Variants in SPMIP4 observed in about 807,000 individuals in gnomAD.
The protein encoded by SPMIP4 is sperm-associated microtubule inner protein 4.
the SPMIP4 span, among the ~76,000 whole-genome samples, chr7:25,126,133 G>A: frequency 6.6e-6 from 1 of 151,980 alleles, no homozygotes; most frequent in Non-Finnish European, 1.5e-5. Context: ...CAGGGTAAAC[G>A]GTCTATCCAT....
chr7:25,136,443 A>G, the SPMIP4 span: 2 of 1,614,048 alleles, frequency 1.2e-6, no homozygotes, highest in Non-Finnish European at 1.7e-6. The surrounding 1 kb of genome is among the most constrained non-coding windows in gnomAD (Gnocchi z 5.7). Context: ...TCTTTTTAGT[A>G]TCTGTGATTT....
At chr7:25,161,485 C>T in the SPMIP4 span, among the ~76,000 whole-genome samples, 10 of 152,114 alleles carry the variant, frequency 6.6e-5, no homozygotes, top group African/African-American at 2.4e-4. Flanking sequence ...GATCCTCCTG[C>T]CTTGGCCTCC....
the SPMIP4 span, among the ~76,000 whole-genome samples, chr7:25,145,802 C>G: frequency 6.6e-6 from 1 of 152,156 alleles, no homozygotes; most frequent in Non-Finnish European, 1.5e-5. Flanking sequence ...TACTGAATAC[C>G]TATTGCATGC....
At chr7:25,152,742 G>GTC in the SPMIP4 span, among the ~76,000 whole-genome samples, 5 of 72,276 alleles carry the variant, frequency 6.9e-5, no homozygotes, top group South Asian at 4.9e-4. Flanking sequence ...TCCCTTCGTT[G>GTC]TCTCTCTTTT....
At chr7:25,169,772 C>T in the SPMIP4 span, among the ~76,000 whole-genome samples, 23 of 152,190 alleles carry the variant, frequency 1.5e-4, no homozygotes, top group African/African-American at 3.4e-4. Context: ...GACATGGTTT[C>T]GCCATGTTGG....
chr7:25,142,738 A>G, the SPMIP4 span: 1 of 1,608,078 alleles, frequency 6.2e-7, no homozygotes, highest in Non-Finnish European at 8.5e-7. Flanking sequence ...CCATGAATTT[A>G]AAGAAGTGTT....
chr7:25,130,941 G>A, the SPMIP4 span, among the ~76,000 whole-genome samples: 5 of 152,210 alleles, frequency 3.3e-5, no homozygotes, highest in African/African-American at 9.6e-5. Flanking sequence ...ATCCATATCT[G>A]TTCAGTGGTT....
chr7:25,179,305 C>T, the SPMIP4 span: 7 of 1,608,024 alleles, frequency 4.4e-6, no homozygotes, highest in African/African-American at 9.4e-5. Context: ...TGAATGACTT[C>T]CATGCTTCTT....
chr7:25,174,870 T>C, the SPMIP4 span, among the ~76,000 whole-genome samples: 2 of 152,194 alleles, frequency 1.3e-5, no homozygotes, highest in African/African-American at 4.8e-5. This position sits in a 1 kb window ranked among gnomAD's most constrained non-coding sequence, Gnocchi z 4.5. Context: ...TTACCACCTG[T>C]TTATATACTT....
At chr7:25,126,958 C>CTATT in the SPMIP4 span, among the ~76,000 whole-genome samples, 1 of 152,156 alleles carries the variant, frequency 6.6e-6, no homozygotes, top group African/African-American at 2.4e-5. Flanking sequence ...ACTGGATGTA[C>CTATT]TATTCTAGGA....
chr7:25,144,504 T>C, the SPMIP4 span, among the ~76,000 whole-genome samples: 1 of 152,342 alleles, frequency 6.6e-6, no homozygotes, highest in African/African-American at 2.4e-5. Flanking sequence ...CCATGAGGTA[T>C]ATACCAGCTT....
At chr7:25,136,055 C>T in the SPMIP4 span, 1 of 1,614,038 alleles carries the variant, frequency 6.2e-7, no homozygotes, top group Non-Finnish European at 8.5e-7. This position sits in a 1 kb window ranked among gnomAD's most constrained non-coding sequence, Gnocchi z 5.7. Flanking sequence ...TCTTTATGGT[C>T]TTCTAGAATT....
chr7:25,170,962 T>A, the SPMIP4 span, among the ~76,000 whole-genome samples: 5 of 152,302 alleles, frequency 3.3e-5, 1 homozygote, highest in South Asian at 1.0e-3. Flanking sequence ...TGCATAAGCA[T>A]CTCCTTAGAG....
At chr7:25,153,241 T>C in the SPMIP4 span, among the ~76,000 whole-genome samples, 2 of 152,268 alleles carry the variant, frequency 1.3e-5, no homozygotes, top group South Asian at 4.1e-4. Context: ...CAACTTGTTT[T>C]TTCAGTCCCT....
the SPMIP4 span, among the ~76,000 whole-genome samples, chr7:25,167,238 G>C: frequency 4.6e-5 from 7 of 152,320 alleles, no homozygotes; most frequent in Admixed American, 1.3e-4. Context: ...AAAATGAACA[G>C]ATGAAAAGAA....
the SPMIP4 span, among the ~76,000 whole-genome samples, chr7:25,126,858 T>C: frequency 6.6e-6 from 1 of 152,224 alleles, no homozygotes; most frequent in Non-Finnish European, 1.5e-5. Context: ...TAGCATTTCT[T>C]GTAGGACAGG....
At chr7:25,168,497 A>G in the SPMIP4 span, 1 of 1,543,662 alleles carries the variant, frequency 6.5e-7, no homozygotes, top group South Asian at 1.2e-5. Context: ...AAAGAGCCTC[A>G]GCAACATAAC....
the SPMIP4 span, among the ~76,000 whole-genome samples, chr7:25,144,186 C>G: frequency 6.6e-6 from 1 of 152,172 alleles, no homozygotes; most frequent in Non-Finnish European, 1.5e-5. Flanking sequence ...GATGAAAGTA[C>G]AAATGGAAGT....
the SPMIP4 span, among the ~76,000 whole-genome samples, chr7:25,132,743 A>G: frequency 6.6e-6 from 1 of 152,170 alleles, no homozygotes; most frequent in Non-Finnish European, 1.5e-5. This position sits in a 1 kb window ranked among gnomAD's most constrained non-coding sequence, Gnocchi z 5.0. Context: ...AACAATACCT[A>G]ATTTACAACA....
Sources: allele counts gnomAD v4.1 joint callset (sites outside exome capture counted in the v4.1 genomes callset), GRCh38; gene constraint gnomAD v4.1.1; non-coding constraint Gnocchi (gnomAD v3.1); transcripts MANE v1.5; gene names NCBI Gene and HGNC (gene_info 2026-07-23, HGNC 2026-07-21).